Variants in STAG3 observed in about 807,000 individuals in gnomAD.
The protein encoded by STAG3 is cohesin subunit SA-3.
Under a neutral mutation model 160.7 loss-of-function variants are expected in STAG3, and 101 were observed. That is an observed-to-expected ratio of 0.63 (90% CI 0.54 to 0.74). The LOEUF is 0.74. STAG3 is among the 30% of genes least tolerant of loss of function. The pLI is 0.00. For synonymous variants in STAG3, 519 were observed against 585.0 expected, an observed-to-expected ratio of 0.89 and a Z score of 1.63; for missense variants, 1,188 against 1,517.4, an observed-to-expected ratio of 0.78 and a Z score of 3.61.
At chr7:100,213,386 G>C (rs1802451297) in intron 32 of STAG3, 5 of 985,378 alleles carry the variant, frequency 5.1e-6, no homozygotes, top group Non-Finnish European at 6.0e-6. Context: ...GAATAGAACA[G>C]AACAGGGGAG....
chr7:100,190,096 T>TA (rs1303565060), intron 8 of STAG3, among the ~76,000 whole-genome samples: 1 of 152,164 alleles, frequency 6.6e-6, no homozygotes, highest in Admixed American at 6.5e-5. Flanking sequence ...TTCTTTTCTT[T>TA]AAAAAAAGGA....
chr7:100,186,345 T>C (rs1800002694), intron 5 of STAG3, 49 bp downstream of exon 5: 1 of 1,493,352 alleles, frequency 6.7e-7, no homozygotes, highest in African/African-American at 1.4e-5. Flanking sequence ...TGTTCCTATG[T>C]TATGAAATTC....
At chr7:100,197,533 A>T in intron 10 of STAG3, 1 of 641,748 alleles carries the variant, frequency 1.6e-6, no homozygotes, top group East Asian at 2.8e-5. Context: ...AGAGTTATTG[A>T]TGGATGGTAA....
intron 16 of STAG3, 56 bp from the exon 17 acceptor site, chr7:100,200,180 C>A (rs2117302539): frequency 1.5e-6 from 2 of 1,349,640 alleles, no homozygotes; most frequent in Non-Finnish European, 2.1e-6. Flanking sequence ...CTGCACACAC[C>A]CCCTGCACCA....
chr7:100,199,471 G>C, intron 15 of STAG3, 70 bp from the exon 16 acceptor site: 1 of 1,559,130 alleles, frequency 6.4e-7, no homozygotes, highest in South Asian at 1.1e-5. Context: ...GTGGCATCGG[G>C]TGGGGGGAGC....
chr7:100,213,628 G>T, intron 32 of STAG3, 107 bp from the exon 33 acceptor site: 1 of 1,573,844 alleles, frequency 6.4e-7, no homozygotes, highest in Non-Finnish European at 8.6e-7. Context: ...GGGGCCTGCT[G>T]TGCCCATATT....
Position 100,211,080 on chromosome 7 carries a change from C to T in STAG3, c.3308C>T (p.Pro1103Leu), listed in dbSNP as rs61749910. 1.5e-3 allele frequency: 2,440 copies of T among 1,595,154 alleles called. 3 individuals carry two copies. The highest frequency in any genetic ancestry group is 1.8e-3 in the Non-Finnish European group (2,146 of 1,162,910). ...GAAAGTCTGCAGCTGAACAGCATCC[C>T]GCCCACGCCCACCCTCACCTCCACA... ...QEESLQLNSI[P>L]PTPTLTSTAV... Residue 1103 changes from proline to leucine, a missense_variant, in exon 30 of 34, where the codon CCG becomes CTG. This residue lies in a region of STAG3 where 647 missense variants were observed against 717.2 expected (regional missense o/e 0.90). Transcript: ENST00000615138.
chr7:100,204,371 C>T (rs1395183196), intron 26 of STAG3, among the ~76,000 whole-genome samples: 3 of 152,088 alleles, frequency 2.0e-5, no homozygotes, highest in Admixed American at 2.0e-4. Context: ...TAGGGAGTTC[C>T]TAATTATTTT....
intron 8 of STAG3, among the ~76,000 whole-genome samples, chr7:100,193,267 T>C (rs1427004420): frequency 6.6e-6 from 1 of 152,214 alleles, no homozygotes; most frequent in Non-Finnish European, 1.5e-5. Context: ...TTTAGCATAA[T>C]TCTTAAGGGC....
intron 8 of STAG3, among the ~76,000 whole-genome samples, chr7:100,192,930 GA>G (rs1800430191): frequency 6.6e-6 from 1 of 152,166 alleles, no homozygotes; most frequent in African/African-American, 2.4e-5. Context: ...ATCATCAGAG[GA>G]ATCACTGTGG....
intron 16 of STAG3, 124 bp downstream of exon 16, chr7:100,199,768 A>G: frequency 2.6e-6 from 2 of 775,140 alleles, no homozygotes; most frequent in Non-Finnish European, 4.1e-6. Flanking sequence ...CATTTCCAGA[A>G]AAAAGGGCCA....
rs1738113689 is a variant in STAG3, at chr7:100,186,384, CA to C, written c.433+89del. 3.9e-6 allele frequency: 5 copies of C among 1,267,176 alleles called. No individual in the cohort carries two copies. In the South Asian group the frequency reaches 6.2e-5, roughly 16 times the overall value. 78.5% of individuals were successfully genotyped at this position (1,267,176 alleles called of 1,614,324 possible). A position where few individuals can be genotyped will look rare whatever the true frequency, so the allele number is the denominator to read the frequency against. On this transcript the variant is annotated intron_variant, in intron 5 of 33. Transcript: ENST00000615138. ...CTCCATTTAGATAAGTAGGATTAGA[CA>C]TTTCCTAAATAAAGGAAGATGGTAA...
At chr7:100,187,530 C>T (rs1279048675) in intron 5 of STAG3, among the ~76,000 whole-genome samples, 1 of 152,100 alleles carries the variant, frequency 6.6e-6, no homozygotes, top group East Asian at 1.9e-4. Context: ...CTTTTGGGAG[C>T]CTGAGCTGGA....
At chr7:100,178,458 A>AT (rs758164616) in intron 1 of STAG3, among the ~76,000 whole-genome samples, 22 of 148,190 alleles carry the variant, frequency 1.5e-4, no homozygotes, top group Admixed American at 6.1e-4. Flanking sequence ...TTCTTTCTTT[A>AT]TTTTTTTTAT....
chr7:100,200,062 T>C lies in STAG3; in HGVS notation c.1678-174T>C, dbSNP rs1302845083. On this transcript the variant is annotated intron_variant, in intron 16 of 33. Transcript: ENST00000615138. ...GCCTGGGTGACAGAGCGAGACTCCGTCTCAAAAAAAAAAAAAAAAAGGAGT... is the reference window on the plus strand; with the variant it reads ...GCCTGGGTGACAGAGCGAGACTCCGCCTCAAAAAAAAAAAAAAAAAGGAGT... 6.1e-6 allele frequency: 3 copies of C among 491,792 alleles called. No homozygotes were observed. In the African/African-American group the frequency reaches 8.4e-5, roughly 14 times the overall value. 30.5% of individuals were successfully genotyped at this position (491,792 alleles called of 1,614,324 possible). A position where few individuals can be genotyped will look rare whatever the true frequency, so the allele number is the denominator to read the frequency against.
At chr7:100,198,437 T>C (rs1305849999) in intron 12 of STAG3, 38 bp from the exon 13 acceptor site, 1 of 1,598,410 alleles carries the variant, frequency 6.3e-7, no homozygotes, top group Admixed American at 1.7e-5. Flanking sequence ...GAAGACAATG[T>C]CCCTATTCAC....
chr7:100,196,085 C>T (rs972018790), intron 9 of STAG3, among the ~76,000 whole-genome samples: 3 of 151,422 alleles, frequency 2.0e-5, no homozygotes, highest in South Asian at 2.1e-4. Context: ...GCTGAGATGA[C>T]GCCATTGCAC....
In STAG3 at chr7:100,213,782, A is replaced by G. The variant is rs1198217842; in HGVS notation, c.3648A>G (p.Leu1216=). ...SSTSERGLDL[L]DSTELDIEDF Reference sequence around the variant, plus strand: ...CCAGTGAGCGCGGGCTGGACCTCTTAGATTCTACAGAGCTGGATATTGAGG... The same window carrying G: ...CCAGTGAGCGCGGGCTGGACCTCTTGGATTCTACAGAGCTGGATATTGAGG... Residue 1216 remains leucine, a synonymous_variant, in exon 33 of 34, where the codon TTA becomes TTG. Coordinates refer to ENST00000615138, the MANE Select transcript of STAG3 (RefSeq NM_001282717.2). The G allele has an allele frequency of 2.5e-6, 4 of 1,614,220 alleles. No individual in the cohort carries two copies. In the Admixed American group the frequency reaches 5.0e-5, roughly 20 times the overall value.
In STAG3 at chr7:100,200,551, A is replaced by G. The variant is rs1333408157; in HGVS notation, c.1860+9A>G. On this transcript the variant is annotated intron_variant, in intron 18 of 33. Transcript: ENST00000615138. ...CTGGGCGCTTGGAGAAGGTAGGGAG[A>G]TAGATTTCCTATACCTTGCTGCTTG... The G allele has an allele frequency of 6.2e-7, 1 of 1,613,444 alleles. No individual in the cohort carries two copies. The highest frequency in any genetic ancestry group is 1.3e-5 in the African/African-American group (1 of 74,882).
Sources: allele counts gnomAD v4.1 joint callset (sites outside exome capture counted in the v4.1 genomes callset), GRCh38; gene constraint gnomAD v4.1.1; regional missense constraint gnomAD v4.1.1; transcripts MANE v1.5; gene names NCBI Gene and HGNC (gene_info 2026-07-23, HGNC 2026-07-21).